The following ENPP3 variants were observed in gnomAD, a reference collection of about 807,000 sequenced individuals.
ENPP3 encodes ectonucleotide pyrophosphatase/phosphodiesterase 3, also known as ectonucleotide pyrophosphatase/phosphodiesterase family member 3.
Under a neutral mutation model 117.8 loss-of-function variants are expected in ENPP3, and 104 were observed. The ratio of observed to expected loss-of-function variants is 0.88; its 90% CI spans 0.75 to 1.04. The LOEUF is 1.04. ENPP3 is among the 50% of genes least tolerant of loss of function. ENPP3 has a pLI of 0.00. For synonymous variants in ENPP3, 380 were observed against 349.9 expected (o/e 1.09, Z -0.96); for missense variants, 1,026 against 1,051.9 (o/e 0.98, Z 0.34).
At chr6:131,697,534 A>G (rs140788186) in intron 15 of ENPP3, among the ~76,000 whole-genome samples, 123 of 151,256 alleles carry the variant, frequency 8.1e-4, no homozygotes, top group African/African-American at 2.9e-3. Context: ...TAATTATACA[A>G]CTCGTTATAC....
chr6:131,657,063 T>C (rs967253169), intron 5 of ENPP3, among the ~76,000 whole-genome samples: 4 of 152,194 alleles, frequency 2.6e-5, no homozygotes, highest in African/African-American at 9.7e-5. Flanking sequence ...AATGACTTTA[T>C]GAAAAAAAGA....
chr6:131,641,680 C>T (rs533470954), intron 2 of ENPP3, 150 bp downstream of exon 2: 5 of 530,152 alleles, frequency 9.4e-6, no homozygotes, highest in African/African-American at 7.5e-5. Context: ...CTCTACTTAT[C>T]GGGAGTCCAC....
rs1780328412 is a variant in ENPP3 at position 131,733,458 on chromosome 6, C to T, written c.1954-130C>T. 3.2e-5 allele frequency: 31 copies of T among 955,304 alleles called. No homozygotes were observed. The South Asian group carries it at 5.5e-4, about 17-fold the overall frequency. 59.2% of individuals were successfully genotyped at this position (955,304 alleles called of 1,614,324 possible). On this transcript the variant is annotated intron_variant, in intron 20 of 24. Coordinates refer to ENST00000357639, the MANE Select transcript of ENPP3 (RefSeq NM_005021.5). ...TGAAGACATCCATTCTCATTGCTTG[C>T]GTAGACCTGATTCACTAAGAAAATA...
At chr6:131,722,182 C>T (rs1472199105) in intron 17 of ENPP3, 45 bp from the exon 18 acceptor site, 1 of 1,422,626 alleles carries the variant, frequency 7.0e-7, no homozygotes, top group Non-Finnish European at 9.8e-7. Context: ...GGAGTTGTTG[C>T]TTTCCAGTGT....
chr6:131,732,901 T>G (rs1780316804), intron 20 of ENPP3, among the ~76,000 whole-genome samples: 1 of 140,290 alleles, frequency 7.1e-6, no homozygotes, highest in African/African-American at 3.1e-5. Context: ...GGCTAATTGA[T>G]GTATTTTTAG....
At chr6:131,740,130 A>G (rs1780495184) in intron 23 of ENPP3, 94 bp from the exon 24 acceptor site, 1 of 854,752 alleles carries the variant, frequency 1.2e-6, no homozygotes. Flanking sequence ...TTATTATTTT[A>G]CATGTATATG....
chr6:131,741,625 CTG>C (rs1463153969), intron 24 of ENPP3, among the ~76,000 whole-genome samples: 4 of 152,078 alleles, frequency 2.6e-5, no homozygotes, highest in Non-Finnish European at 5.9e-5. Flanking sequence ...GATTTAGTAA[CTG>C]ATTGGATACA....
chr6:131,680,770 C>G (rs760182721), intron 11 of ENPP3, among the ~76,000 whole-genome samples: 4 of 152,302 alleles, frequency 2.6e-5, no homozygotes, highest in Non-Finnish European at 5.9e-5. Flanking sequence ...CAAAGCTACT[C>G]AATTGTTGCC....
Position 131,650,503 on chromosome 6 carries a change from A to G in ENPP3, c.277+354A>G, listed in dbSNP as rs1778240804. 2.6e-5 allele frequency among the ~76,000 whole-genome samples: 4 copies of G among 152,066 alleles called. No homozygotes were observed. In the South Asian group the frequency reaches 8.3e-4, roughly 32 times the overall value. On this transcript the variant is annotated intron_variant, in intron 3 of 24. Coordinates refer to ENST00000357639, the MANE Select transcript of ENPP3 (RefSeq NM_005021.5). ...CTCCCAAAGTGCTGGGATTATAGGC[A>G]TGAACCACTATGCCAGGGCTGTGTC...
In ENPP3 at chr6:131,710,932, C is replaced by G. The variant is rs1407468613; in HGVS notation, c.1413-7740C>G. The G allele has an allele frequency of 3.8e-6, 6 of 1,587,854 alleles. No individual in the cohort carries two copies. The highest frequency in any genetic ancestry group is 1.7e-5 in the African/African-American group (1 of 57,746). ...ATAAGGATTCTCATCTGGTCTCATA[C>G]TCTCAGGTAGTGCTGCCACAACTCT... On this transcript the variant is annotated intron_variant, in intron 15 of 24. Coordinates refer to ENST00000357639, the MANE Select transcript of ENPP3 (RefSeq NM_005021.5).
At chr6:131,667,359 C>T (rs1778639146) in intron 6 of ENPP3, among the ~76,000 whole-genome samples, 1 of 152,086 alleles carries the variant, frequency 6.6e-6, no homozygotes, top group South Asian at 2.1e-4. Flanking sequence ...TGCAACTCTT[C>T]CTCCCCTGGG....
intron 6 of ENPP3, among the ~76,000 whole-genome samples, chr6:131,659,303 T>TA (rs1562433885): frequency 6.6e-6 from 1 of 151,836 alleles, no homozygotes; most frequent in Non-Finnish European, 1.5e-5. Context: ...AATTTTTTTT[T>TA]AAAAGAAGTT....
chr6:131,641,536 C>A lies in ENPP3; in HGVS notation c.154+6C>A. On this transcript the variant is annotated splice_donor_region_variant and intron_variant, in intron 2 of 24. Coordinates refer to ENST00000357639, the MANE Select transcript of ENPP3 (RefSeq NM_005021.5). ...CAGGAAACTGGAAAAGCAAGGTATA[C>A]CCCTCAGCCTTTTCTCAGAACATTC... 1 of 1,567,350 alleles carries A rather than the reference C, an allele frequency of 6.4e-7. No individual in the cohort carries two copies. The highest frequency in any genetic ancestry group is 8.8e-7 in the Non-Finnish European group (1 of 1,138,654).
At chr6:131,682,402 G>A (rs1180068599) in intron 11 of ENPP3, among the ~76,000 whole-genome samples, 1 of 152,108 alleles carries the variant, frequency 6.6e-6, no homozygotes, top group Admixed American at 6.6e-5. Context: ...GCTGAGACAG[G>A]AGGATTGCTT....
intron 5 of ENPP3, among the ~76,000 whole-genome samples, chr6:131,654,787 G>A (rs1279081989): frequency 6.6e-6 from 1 of 152,180 alleles, no homozygotes; most frequent in African/African-American, 2.4e-5. Context: ...TTAAAAATGA[G>A]TATAAATAAT....
chr6:131,657,066 A>G (rs978981479), intron 5 of ENPP3, among the ~76,000 whole-genome samples: 4 of 152,214 alleles, frequency 2.6e-5, no homozygotes, highest in Non-Finnish European at 4.4e-5. Context: ...GACTTTATGA[A>G]AAAAAGAAGT....
chr6:131,677,357 A>G (rs1284586702), intron 10 of ENPP3, among the ~76,000 whole-genome samples: 1 of 152,250 alleles, frequency 6.6e-6, no homozygotes, highest in Non-Finnish European at 1.5e-5. Context: ...TCACAGAACC[A>G]GAGCCAGATA....
chr6:131,733,808 A>G (rs1015681521), intron 21 of ENPP3, 85 bp downstream of exon 21: 39 of 1,379,632 alleles, frequency 2.8e-5, no homozygotes, highest in Non-Finnish European at 3.9e-5. Flanking sequence ...TATACTCCCC[A>G]CCAAAACTAC....
intron 16 of ENPP3, among the ~76,000 whole-genome samples, chr6:131,719,941 A>G (rs1213007674): frequency 6.6e-6 from 1 of 152,186 alleles, no homozygotes; most frequent in Admixed American, 6.5e-5. Context: ...ATGAAAAGAT[A>G]ATATGATGTT....
Sources: gnomAD v4.1 joint callset for allele counts (sites outside exome capture counted in the v4.1 genomes callset) on GRCh38, gnomAD v4.1.1 for gene constraint, MANE v1.5 for transcripts, NCBI Gene and HGNC (gene_info 2026-07-23, HGNC 2026-07-21) for gene names.